Variants in PRKDC observed in about 807,000 individuals in gnomAD.
The protein encoded by PRKDC is protein kinase, DNA-activated, catalytic subunit.
Under a neutral mutation model 486.9 loss-of-function variants are expected in PRKDC, and 82 were observed. The ratio of observed to expected loss-of-function variants is 0.17; its 90% CI spans 0.14 to 0.20. The LOEUF (loss-of-function observed/expected upper bound fraction) is 0.20. Ranked by LOEUF, PRKDC falls within the 10% of genes least tolerant of loss-of-function variation. PRKDC has a pLI of 1.00. For missense variants in PRKDC, 4,504 were observed against 5,038.2 expected, an observed-to-expected ratio of 0.89 and a Z score of 3.21; for synonymous variants, 1,895 against 1,837.0, an observed-to-expected ratio of 1.03 and a Z score of -0.81.
At position 47,886,144 on chromosome 8, in the gene PRKDC, C is replaced by T. The variant is rs747452866; in HGVS notation, c.4576G>A (p.Glu1526Lys). Residue 1526 changes from glutamate to lysine, a missense_variant, in exon 36 of 86, where the codon GAG becomes AAG. Coordinates refer to ENST00000314191, the MANE Select transcript of PRKDC (RefSeq NM_006904.7). ...ELAFAFGGLC[E>K]RLVSLLLNPA... The stretch of plus-strand genomic sequence containing the variant: ...TTCAGGAGAAGACTCACAAGGCGCT[C>T]ACACTGGGAAAAAGAAAGGAGAAGT... 8.2e-6 allele frequency: 13 copies of T among 1,589,426 alleles called. No individual in the cohort carries two copies. Among genetic ancestry groups the T allele is most frequent in the Non-Finnish European group, 1.1e-5 (13 of 1,169,650 alleles).
chr8:47,889,464 C>A (rs1057161708), intron 32 of PRKDC, among the ~76,000 whole-genome samples: 13 of 152,354 alleles, frequency 8.5e-5, no homozygotes, highest in African/African-American at 3.1e-4. Flanking sequence ...CACAGCCATG[C>A]TCCTATTTAG....
intron 80 of PRKDC, among the ~76,000 whole-genome samples, chr8:47,780,665 C>A (rs2086684387): frequency 6.6e-6 from 1 of 152,144 alleles, no homozygotes; most frequent in East Asian, 1.9e-4. Context: ...GTAGGCCGGG[C>A]GCAGTGGCTC....
chr8:47,883,079 A>G (rs1190724174), intron 36 of PRKDC, among the ~76,000 whole-genome samples: 1 of 151,948 alleles, frequency 6.6e-6, no homozygotes. Flanking sequence ...CTGCCTGATC[A>G]CTCTCTACCC....
chr8:47,893,525 C>A, intron 30 of PRKDC, 138 bp from the exon 31 acceptor site: 2 of 907,190 alleles, frequency 2.2e-6, no homozygotes, highest in Non-Finnish European at 3.0e-6. Flanking sequence ...ACTGTAATTA[C>A]TTCCAAGAAG....
chr8:47,870,713 G>A (rs773465611), intron 40 of PRKDC, among the ~76,000 whole-genome samples: 1 of 152,136 alleles, frequency 6.6e-6, no homozygotes, highest in Non-Finnish European at 1.5e-5. Context: ...AAGAAAACAT[G>A]ACTTCACCAA....
Position 47,801,291 on chromosome 8 carries a change from C to T in PRKDC, c.9923-305G>A, listed in dbSNP as rs1379017151. Among the ~76,000 whole-genome samples the T allele has an allele frequency of 1.6e-4, 24 of 152,158 alleles. 1 individual carries two copies. The highest frequency in any genetic ancestry group is 1.4e-3 in the Admixed American group (22 of 15,270). ...TTCGCCATGTTGCCCACGCTGGTCT[C>T]GAACTCCTGAGCTCTAGCAATCTGC... On this transcript the variant is annotated intron_variant, in intron 70 of 85. Transcript: ENST00000314191.
chr8:47,919,892 G>T lies in PRKDC; in HGVS notation c.2420-1509C>A, dbSNP rs541421418. ...GCAGCACTGCGACATGTTCGTGATGGCCATGATGTCCACACTGAAAGTTGT... is the reference window on the plus strand; with the variant it reads ...GCAGCACTGCGACATGTTCGTGATGTCCATGATGTCCACACTGAAAGTTGT... On this transcript the variant is annotated intron_variant, in intron 21 of 85. Coordinates refer to ENST00000314191, the MANE Select transcript of PRKDC (RefSeq NM_006904.7). Among the ~76,000 whole-genome samples, 18 of 152,232 alleles carry T rather than the reference G, an allele frequency of 1.2e-4. No homozygotes were observed. In the South Asian group the frequency reaches 3.7e-3, roughly 32 times the overall value.
chr8:47,914,022 T>C lies in PRKDC; in HGVS notation c.2660A>G (p.Asp887Gly). The C allele has an allele frequency of 6.3e-7, 1 of 1,591,948 alleles. No homozygotes were observed. Among genetic ancestry groups the C allele is most frequent in the Non-Finnish European group, 8.6e-7 (1 of 1,169,454 alleles). The change falls in exon 24 of 86, where the codon GAC becomes GGC. Residue 887 changes from aspartate to glycine, a missense_variant. Asp to Gly is a moderately conservative substitution (Grantham distance 94). Around this residue, in one of 6 missense-constraint regions of PRKDC, gnomAD observed 1,969 missense variants for 2,068.9 expected, o/e 0.95. Transcript: ENST00000314191. ...TGCAAAGCTCAGCCGCTTCTCTCTGTCCCAGGCCACATAGCTCTTCATCAT... is the reference window on the plus strand; with the variant it reads ...TGCAAAGCTCAGCCGCTTCTCTCTGCCCCAGGCCACATAGCTCTTCATCAT... The part of the protein sequence containing the change: ...DEMMKSYVAW[D>G]REKRLSFAVP...
Position 47,946,054 on chromosome 8 carries a change from G to A in PRKDC, c.722-2025C>T, listed in dbSNP as rs927111796. ...ACTTTTTAAACCCCCTCTTGGCCAGGTGCAGTGGCTCACACCTGTAATCCC... is the reference window on the plus strand; with the variant it reads ...ACTTTTTAAACCCCCTCTTGGCCAGATGCAGTGGCTCACACCTGTAATCCC... On this transcript the variant is annotated intron_variant, in intron 7 of 85. Transcript: ENST00000314191. 5.3e-5 allele frequency among the ~76,000 whole-genome samples: 8 copies of A among 152,058 alleles called. No individual in the cohort carries two copies. The East Asian group carries it at 1.2e-3, about 22-fold the overall frequency.
chr8:47,935,877 A>G lies in PRKDC; in HGVS notation c.1302T>C (p.Val434=), dbSNP rs1014211902. The G allele has an allele frequency of 1.3e-5, 21 of 1,613,842 alleles. No individual in the cohort carries two copies. The highest frequency in any genetic ancestry group is 1.7e-5 in the Non-Finnish European group (20 of 1,179,870). The part of the protein sequence containing the change: ...LDTVPEVYTP[V]LEHLVVMQID... The stretch of plus-strand genomic sequence containing the variant: ...TCTGCATCACCACGAGGTGCTCCAG[A>G]ACTGGAGTATACACCTCAGGAACCT... The change falls in exon 13 of 86, where the codon GTT becomes GTC. Residue 434 remains valine (V), a synonymous_variant. Coordinates refer to ENST00000314191, the MANE Select transcript of PRKDC (RefSeq NM_006904.7).
intron 54 of PRKDC, among the ~76,000 whole-genome samples, chr8:47,844,660 A>T (rs981788912): frequency 1.3e-5 from 2 of 151,854 alleles, no homozygotes; most frequent in Non-Finnish European, 2.9e-5. Context: ...TCAATAAATT[A>T]AAAAAAAATT....
In PRKDC at chr8:47,933,819, C is replaced by T. The variant is rs1432130129; in HGVS notation, c.1623+146G>A. ...TCTCATTCTAACTTCCTGATTCATA[C>T]GGTTTTAATTTTTTATTTTTGAAGT... On this transcript the variant is annotated intron_variant, in intron 15 of 85. Transcript: ENST00000314191. 3.5e-5 allele frequency: 29 copies of T among 827,916 alleles called. 1 individual carries two copies. The highest frequency in any genetic ancestry group is 1.9e-4 in the East Asian group (6 of 32,102). 51.3% of individuals were successfully genotyped at this position (827,916 alleles called of 1,614,324 possible).
chr8:47,830,841 G>T, intron 60 of PRKDC, 105 bp from the exon 61 acceptor site: 1 of 1,432,626 alleles, frequency 7.0e-7, no homozygotes, highest in Admixed American at 1.7e-5. Flanking sequence ...TGAGGGCGAA[G>T]TGGTGGGAAC....
Position 47,859,745 on chromosome 8 carries a change from T to C in PRKDC, c.6073A>G (p.Met2025Val). The stretch of plus-strand genomic sequence containing the variant: ...TCTGCCAAATATGACAGGGAAGACA[T>C]ATAGGAAGGACCATCTGAAATATAA... ...ANGDSDGPSY[M>V]SSLSYLADST... Residue 2025 changes from methionine to valine, a missense_variant, in exon 46 of 86, where the codon ATG becomes GTG. Transcript: ENST00000314191. 6.2e-7 allele frequency: 1 copy of C among 1,611,752 alleles called. No individual in the cohort carries two copies. The highest frequency in any genetic ancestry group is 8.5e-7 in the Non-Finnish European group (1 of 1,178,012).
chr8:47,801,946 C>T (rs547872811), intron 70 of PRKDC, among the ~76,000 whole-genome samples: 1 of 152,310 alleles, frequency 6.6e-6, no homozygotes, highest in Non-Finnish European at 1.5e-5. Context: ...TACAACCATA[C>T]TCTGTGTAAT....
intron 13 of PRKDC, among the ~76,000 whole-genome samples, chr8:47,935,482 A>G (rs750125369): frequency 9.2e-5 from 14 of 152,228 alleles, no homozygotes; most frequent in Admixed American, 2.6e-4. Context: ...CCTGGGGGAC[A>G]GAGCGAGACT....
At position 47,862,531 on chromosome 8, in the gene PRKDC, C is replaced by T. The variant is rs373832970; in HGVS notation, c.5761G>A (p.Asp1921Asn). The T allele has an allele frequency of 3.2e-5, 51 of 1,607,030 alleles. No individual in the cohort carries two copies. Among genetic ancestry groups the T allele is most frequent in the African/African-American group, 9.4e-5 (7 of 74,776 alleles). Residue 1921 changes from aspartate (D) to asparagine (N), a missense_variant, in exon 43 of 86, where the codon GAT (aspartate) becomes AAT (asparagine). Asp to Asn is a conservative substitution (Grantham distance 23). This residue lies in a region of PRKDC where 80 missense variants were observed against 132.3 expected (regional missense o/e 0.60). Transcript: ENST00000314191. ...CCTGCCATGTTCTCTGTAAATGCAT[C>T]GTAGCACAATCTGCAGAGAGATCCA... is the stretch of plus-strand genomic sequence containing the variant. ...LTKTLIKLCY[D>N]AFTENMAGEN...
intron 40 of PRKDC, among the ~76,000 whole-genome samples, chr8:47,877,029 G>C (rs1376383104): frequency 6.6e-6 from 1 of 152,184 alleles, no homozygotes; most frequent in Non-Finnish European, 1.5e-5. Context: ...ATTTCAACCT[G>C]AATCTAACTG....
intron 49 of PRKDC, 126 bp from the exon 50 acceptor site, chr8:47,855,499 G>T: frequency 9.8e-7 from 1 of 1,024,352 alleles, no homozygotes; most frequent in Non-Finnish European, 1.4e-6. Context: ...TGAAAGCCCT[G>T]TGATTTTTCA....
Sources: allele counts gnomAD v4.1 joint callset (sites outside exome capture counted in the v4.1 genomes callset), GRCh38; gene constraint gnomAD v4.1.1; regional missense constraint gnomAD v4.1.1; transcripts MANE v1.5; gene names NCBI Gene and HGNC (gene_info 2026-07-23, HGNC 2026-07-21).